CCDC178: variants seen among roughly 807,000 people sequenced by gnomAD.
CCDC178 encodes the protein coiled-coil domain containing 178, also known as coiled-coil domain-containing protein 178.
In CCDC178, 126 loss-of-function variants were observed where a neutral mutation model predicts 117.4. The ratio of observed to expected loss-of-function variants is 1.07; its 90% CI spans 0.93 to 1.24. The LOEUF (loss-of-function observed/expected upper bound fraction) is 1.24. Among genes scored for constraint, CCDC178 ranks in the 50% most tolerant of loss-of-function variants. The pLI, the probability that CCDC178 is intolerant of heterozygous loss-of-function variation, is 0.00. For synonymous variants in CCDC178, 283 were observed against 313.4 expected (o/e 0.90, Z 1.02); for missense variants, 1,030 against 986.9 (o/e 1.04, Z -0.59).
chr18:33,380,096 CCA>C (rs1450088611), intron 5 of CCDC178, among the ~76,000 whole-genome samples: 1 of 152,064 alleles, frequency 6.6e-6, no homozygotes, highest in African/African-American at 2.4e-5. Context: ...TCCTGCTGCA[CCA>C]CAGTCTCAGG....
At chr18:33,315,285 G>A (rs2062400514) in intron 11 of CCDC178, among the ~76,000 whole-genome samples, 1 of 152,168 alleles carries the variant, frequency 6.6e-6, no homozygotes. Flanking sequence ...GTGGTCACCA[G>A]CTCTTTCTGT....
At chr18:33,387,335 A>T (rs1003629283) in intron 5 of CCDC178, among the ~76,000 whole-genome samples, 2 of 152,176 alleles carry the variant, frequency 1.3e-5, no homozygotes, top group South Asian at 4.1e-4. Context: ...ATTGACATTC[A>T]TCACAGAATT....
At chr18:32,992,086 T>C (rs566138656) in intron 21 of CCDC178, among the ~76,000 whole-genome samples, 1 of 152,282 alleles carries the variant, frequency 6.6e-6, no homozygotes, top group Admixed American at 6.5e-5. Context: ...AGTGTAATAG[T>C]TGAACCAATT....
chr18:33,071,653 T>G (rs189542365), intron 21 of CCDC178, among the ~76,000 whole-genome samples: 18 of 152,256 alleles, frequency 1.2e-4, no homozygotes, highest in South Asian at 2.1e-4. Context: ...TGTCATATTC[T>G]CATTGGGAAA....
intron 18 of CCDC178, among the ~76,000 whole-genome samples, chr18:33,221,176 T>G (rs560572909): frequency 1.2e-4 from 19 of 152,106 alleles, no homozygotes; most frequent in South Asian, 4.2e-4. Flanking sequence ...CCTGAAGATG[T>G]GAATATAGTG....
At chr18:33,273,904 A>T (rs1220870386) in intron 12 of CCDC178, among the ~76,000 whole-genome samples, 1 of 151,804 alleles carries the variant, frequency 6.6e-6, no homozygotes, top group Non-Finnish European at 1.5e-5. Flanking sequence ...TAGTTTTTAA[A>T]CTTTTTAATA....
At chr18:33,255,492 T>C (rs1041835022) in intron 14 of CCDC178, among the ~76,000 whole-genome samples, 1 of 152,082 alleles carries the variant, frequency 6.6e-6, no homozygotes, top group Admixed American at 6.6e-5. Flanking sequence ...TTATTGGTAA[T>C]TGAAATAGAG....
intron 2 of CCDC178, among the ~76,000 whole-genome samples, chr18:33,422,001 C>T (rs994924553): frequency 5.3e-5 from 8 of 152,288 alleles, no homozygotes; most frequent in African/African-American, 1.7e-4. Flanking sequence ...TATCCCAAAA[C>T]CCACAAAGCA....
At chr18:33,330,417 C>G (rs28629434) in intron 10 of CCDC178, among the ~76,000 whole-genome samples, 50 of 152,176 alleles carry the variant, frequency 3.3e-4, no homozygotes, top group African/African-American at 1.2e-3. Context: ...GCTACAGAAG[C>G]CAAGAGGTCT....
At chr18:33,324,644 A>G (rs1483886643) in intron 10 of CCDC178, among the ~76,000 whole-genome samples, 2 of 130,926 alleles carry the variant, frequency 1.5e-5, no homozygotes, top group African/African-American at 5.3e-5. Flanking sequence ...TATTGTGTAC[A>G]TTTTACTAGA....
At chr18:33,198,283 T>C (rs2058955411) in intron 20 of CCDC178, among the ~76,000 whole-genome samples, 1 of 152,130 alleles carries the variant, frequency 6.6e-6, no homozygotes, top group Non-Finnish European at 1.5e-5. Flanking sequence ...TCTCTCTCTA[T>C]CTATCTCCCT....
Position 33,389,546 on chromosome 18 carries a change from T to C in CCDC178, c.202A>G (p.Thr68Ala). Residue 68 changes from threonine to alanine, a missense_variant, in exon 5 of 23, where the codon ACT becomes GCT. Transcript: ENST00000383096. ...EGFHESKMTN[T>A]EGVNKGIYFS... ...ATTTACATTCAGTCCTCACCTTCAG[T>C]ATTTGTCATTTTACTTTCATGAAAA... 1 of 1,496,642 alleles carries C rather than the reference T, an allele frequency of 6.7e-7. No homozygotes were observed. The highest frequency in any genetic ancestry group is 1.4e-5 in the African/African-American group (1 of 70,602). 92.7% of individuals were successfully genotyped at this position (1,496,642 alleles called of 1,614,324 possible).
chr18:33,325,611 C>T (rs185603975), intron 10 of CCDC178, among the ~76,000 whole-genome samples: 18 of 151,934 alleles, frequency 1.2e-4, no homozygotes, highest in Non-Finnish European at 2.1e-4. Flanking sequence ...TTAGATCATA[C>T]GCAAGTGCAG....
At chr18:33,361,291 C>A (rs947254410) in intron 6 of CCDC178, among the ~76,000 whole-genome samples, 1 of 151,544 alleles carries the variant, frequency 6.6e-6, no homozygotes, top group East Asian at 1.9e-4. Context: ...TTTCTATCAC[C>A]AACAGAATGA....
intron 21 of CCDC178, among the ~76,000 whole-genome samples, chr18:33,088,488 T>C (rs1487760799): frequency 2.0e-5 from 3 of 152,310 alleles, no homozygotes; most frequent in South Asian, 2.1e-4. Context: ...CTCCTCATCA[T>C]ATAGATCTTA....
intron 11 of CCDC178, among the ~76,000 whole-genome samples, chr18:33,320,708 T>C (rs1348202599): frequency 6.6e-6 from 1 of 152,144 alleles, no homozygotes; most frequent in Admixed American, 6.5e-5. Flanking sequence ...AAGCTACCAA[T>C]GACTTTCTTC....
chr18:33,227,643 T>C (rs927665924), intron 15 of CCDC178, among the ~76,000 whole-genome samples: 2 of 150,440 alleles, frequency 1.3e-5, no homozygotes, highest in African/African-American at 4.9e-5. Flanking sequence ...ATGTCTCTGA[T>C]ACCCCTACTT....
At chr18:33,372,377 C>T (rs553008305) in intron 5 of CCDC178, among the ~76,000 whole-genome samples, 3 of 152,222 alleles carry the variant, frequency 2.0e-5, no homozygotes, top group East Asian at 3.9e-4. Flanking sequence ...TGATAACTAG[C>T]TGCACATCTT....
At chr18:33,100,925 A>T (rs985601787) in intron 20 of CCDC178, among the ~76,000 whole-genome samples, 3 of 152,008 alleles carry the variant, frequency 2.0e-5, no homozygotes, top group Admixed American at 1.3e-4. Flanking sequence ...GAAAAGGAGC[A>T]AAAATCGGTT....
Sources: gnomAD v4.1 joint callset for allele counts (sites outside exome capture counted in the v4.1 genomes callset) on GRCh38, gnomAD v4.1.1 for gene constraint, MANE v1.5 for transcripts, NCBI Gene and HGNC (gene_info 2026-07-23, HGNC 2026-07-21) for gene names.